The following NEMP2 variants were observed in gnomAD, a reference collection of about 807,000 sequenced individuals.
The protein encoded by NEMP2 is nuclear envelope integral membrane protein 2, also known as UPF0571 transmembrane protein.
A neutral mutation model predicts 54.2 loss-of-function variants in NEMP2; 53 were observed. That is an observed-to-expected ratio of 0.98 (90% CI 0.78 to 1.23). The LOEUF is 1.23. Ranked by LOEUF, NEMP2 falls within the 50% of genes most tolerant of loss-of-function variation. The pLI is 0.00. For missense variants in NEMP2, 455 were observed against 511.3 expected, an observed-to-expected ratio of 0.89 and a Z score of 1.06; for synonymous variants, 197 against 190.3, an observed-to-expected ratio of 1.04 and a Z score of -0.29.
chr2:190,562,726 T>A, the NEMP2 span, among the ~76,000 whole-genome samples: 131 of 152,110 alleles, frequency 8.6e-4, no homozygotes, highest in African/African-American at 2.9e-3. The surrounding 1 kb of genome is among the most constrained non-coding windows in gnomAD (Gnocchi z 5.0). Flanking sequence ...CATATTTTTT[T>A]AAATATCATG....
the NEMP2 span, chr2:190,436,030 A>G: frequency 6.2e-7 from 1 of 1,607,828 alleles, no homozygotes; most frequent in South Asian, 1.1e-5. This position sits in a 1 kb window ranked among gnomAD's most constrained non-coding sequence, Gnocchi z 5.3. Context: ...GTGGTAAGCC[A>G]TGGCAGATGA....
chr2:190,431,418 G>C, the NEMP2 span, among the ~76,000 whole-genome samples: 3 of 152,236 alleles, frequency 2.0e-5, no homozygotes, highest in African/African-American at 7.2e-5. This position sits in a 1 kb window ranked among gnomAD's most constrained non-coding sequence, Gnocchi z 4.4. Context: ...GGGCACCATT[G>C]ATCACTGAGT....
the NEMP2 span, among the ~76,000 whole-genome samples, chr2:190,600,039 A>G: frequency 6.6e-6 from 1 of 152,162 alleles, no homozygotes; most frequent in Non-Finnish European, 1.5e-5. This position sits in a 1 kb window ranked among gnomAD's most constrained non-coding sequence, Gnocchi z 4.9. Flanking sequence ...GTCACTTCCT[A>G]CATCTCTCAC....
chr2:190,546,411 T>C, the NEMP2 span, among the ~76,000 whole-genome samples: 1 of 152,170 alleles, frequency 6.6e-6, no homozygotes, highest in South Asian at 2.1e-4. The surrounding 1 kb of genome is among the most constrained non-coding windows in gnomAD (Gnocchi z 5.1). Context: ...AAGTACTTAC[T>C]GCAACATTTT....
chr2:190,605,060 A>T, the NEMP2 span, among the ~76,000 whole-genome samples: 1 of 152,292 alleles, frequency 6.6e-6, no homozygotes, highest in East Asian at 1.9e-4. Flanking sequence ...ATAAACACAT[A>T]CATATACAGT....
the NEMP2 span, among the ~76,000 whole-genome samples, chr2:190,613,018 AT>A: frequency 6.6e-6 from 1 of 152,280 alleles, no homozygotes. Flanking sequence ...CTAATTATTT[AT>A]TTTAATCATT....
At chr2:190,483,101 C>T in the NEMP2 span, among the ~76,000 whole-genome samples, 2 of 150,644 alleles carry the variant, frequency 1.3e-5, no homozygotes, top group Non-Finnish European at 3.0e-5. Flanking sequence ...ACCTTGTTAG[C>T]CAGGATGGTC....
chr2:190,467,763 GAAT>G, the NEMP2 span, among the ~76,000 whole-genome samples: 1 of 152,122 alleles, frequency 6.6e-6, no homozygotes, highest in Non-Finnish European at 1.5e-5. The surrounding 1 kb of genome is among the most constrained non-coding windows in gnomAD (Gnocchi z 5.5). Context: ...AACACAAGAA[GAAT>G]AAGATTTTGT....
chr2:190,643,315 G>A, the NEMP2 span, among the ~76,000 whole-genome samples: 1 of 152,152 alleles, frequency 6.6e-6, no homozygotes, highest in African/African-American at 2.4e-5. Flanking sequence ...GCTACTGAGG[G>A]AAGTGGAGCT....
chr2:190,588,585 G>A, the NEMP2 span, among the ~76,000 whole-genome samples: 2,049 of 152,254 alleles, frequency 0.013, 51 homozygotes, highest in African/African-American at 0.047. The surrounding 1 kb of genome is among the most constrained non-coding windows in gnomAD (Gnocchi z 5.0). Context: ...AGGGTTCATA[G>A]TGGGGAAAGA....
At chr2:190,618,263 A>G in the NEMP2 span, among the ~76,000 whole-genome samples, 1 of 152,146 alleles carries the variant, frequency 6.6e-6, no homozygotes, top group Non-Finnish European at 1.5e-5. Flanking sequence ...TTCCTTTGTC[A>G]ATCAGTTCTT....
At chr2:190,580,152 G>A in the NEMP2 span, among the ~76,000 whole-genome samples, 1 of 152,172 alleles carries the variant, frequency 6.6e-6, no homozygotes, top group South Asian at 2.1e-4. The surrounding 1 kb of genome is among the most constrained non-coding windows in gnomAD (Gnocchi z 5.3). Flanking sequence ...GTGTCCACAG[G>A]CCACTCACAG....
chr2:190,489,767 G>A, the NEMP2 span: 3 of 1,613,702 alleles, frequency 1.9e-6, no homozygotes, highest in Non-Finnish European at 2.5e-6. The surrounding 1 kb of genome is among the most constrained non-coding windows in gnomAD (Gnocchi z 6.6). Context: ...TGTTTTTATA[G>A]GGGCTGCTGC....
Position 190,510,620 on chromosome 2 carries a change from C to A in NEMP2, c.954-83G>T. 7.0e-7 allele frequency: 1 copy of A among 1,435,718 alleles called. No homozygotes were observed. Among genetic ancestry groups the A allele is most frequent in the Non-Finnish European group, 9.5e-7 (1 of 1,052,528 alleles). The allele number at this position is 1,435,718 out of a possible 1,614,324, so 88.9% of individuals were successfully genotyped here. On this transcript the variant is annotated intron_variant, in intron 7 of 8. Transcript: ENST00000409150. The surrounding 1 kb of genome is among the most constrained non-coding windows in gnomAD (Gnocchi z 5.7). ...AAAATAGGCCAGGCTCGGTGGCTCA[C>A]GCCTGTAATCCAGCATTTTGGGAGG...
At chr2:190,437,047 C>T in the NEMP2 span, 1 of 1,614,212 alleles carries the variant, frequency 6.2e-7, no homozygotes, top group Non-Finnish European at 8.5e-7. The surrounding 1 kb of genome is among the most constrained non-coding windows in gnomAD (Gnocchi z 5.9). Context: ...CCTGGCGATG[C>T]TGTCTGTGGG....
the NEMP2 span, chr2:190,433,481 G>A: frequency 3.3e-5 from 5 of 152,268 alleles, no homozygotes; most frequent in African/African-American, 1.2e-4. This position sits in a 1 kb window ranked among gnomAD's most constrained non-coding sequence, Gnocchi z 4.5. Context: ...GGAAAAAAAT[G>A]TTTTTCTTTC....
At position 190,533,677 on chromosome 2, in the gene NEMP2, C is replaced by T. The variant is rs529394518; in HGVS notation, c.97+882G>A. On this transcript the variant is annotated intron_variant, in intron 1 of 8. Transcript: ENST00000409150. The surrounding 1 kb of genome is among the most constrained non-coding windows in gnomAD (Gnocchi z 4.3). ...AGGGCCATGCCCAGCTAAAAGAATA[C>T]ACTTGGCAGCCTCCCTTGAAACCAG... Among the ~76,000 whole-genome samples the T allele has an allele frequency of 8.5e-5, 13 of 152,190 alleles. 1 individual carries two copies. In the South Asian group the frequency reaches 2.7e-3, roughly 32 times the overall value.
At position 190,533,882 on chromosome 2, in the gene NEMP2, C is replaced by T; in HGVS notation, c.97+677G>A. The T allele has an allele frequency of 1.4e-6, 1 of 725,032 alleles. No homozygotes were observed. Among genetic ancestry groups the T allele is most frequent in the Non-Finnish European group, 1.7e-6 (1 of 591,868 alleles). The allele number at this position is 725,032 out of a possible 1,614,324, so 44.9% of individuals were successfully genotyped here. A position where few individuals can be genotyped will look rare whatever the true frequency, so the allele number is the denominator to read the frequency against. On this transcript the variant is annotated intron_variant, in intron 1 of 8. Coordinates refer to ENST00000409150, the MANE Select transcript of NEMP2 (RefSeq NM_001142645.2). This position sits in a 1 kb window ranked among gnomAD's most constrained non-coding sequence, Gnocchi z 4.3. The stretch of plus-strand genomic sequence containing the variant: ...CCAGGTGTCCTTCCCAGATCCTTCC[C>T]CAGTGTGCCAGCATCTTAAGCCCAC...
At chr2:190,565,737 C>A in the NEMP2 span, among the ~76,000 whole-genome samples, 1 of 152,074 alleles carries the variant, frequency 6.6e-6, no homozygotes, top group Admixed American at 6.6e-5. Context: ...ACACAGAGAA[C>A]CTCAGAATGT....
Sources: gnomAD v4.1 joint callset for allele counts (sites outside exome capture counted in the v4.1 genomes callset) on GRCh38, gnomAD v4.1.1 for gene constraint, Gnocchi (gnomAD v3.1) non-coding constraint, MANE v1.5 for transcripts, NCBI Gene and HGNC (gene_info 2026-07-23, HGNC 2026-07-21) for gene names.